The following COL17A1 variants were observed in gnomAD, a reference collection of about 807,000 sequenced individuals.
The protein encoded by COL17A1 is collagen type XVII alpha 1 chain, also known as collagen alpha-1(XVII) chain.
In COL17A1, 181 loss-of-function variants were observed where a neutral mutation model predicts 218.4. The observed-to-expected ratio is 0.83, with a 90% CI of 0.73 to 0.94. COL17A1 has a LOEUF of 0.94. Ranked by LOEUF, COL17A1 falls within the 40% of genes least tolerant of loss-of-function variation. The pLI, the probability that COL17A1 is intolerant of heterozygous loss-of-function variation, is 0.00. For missense variants in COL17A1, 1,924 were observed against 1,945.9 expected (o/e 0.99, Z 0.21); for synonymous variants, 721 against 731.0 (o/e 0.99, Z 0.22).
In COL17A1 at chr10:104,031,841, G is replaced by T. The variant is rs909584105; in HGVS notation, c.*394C>A. On this transcript the variant is annotated 3_prime_UTR_variant, in exon 56 of 56. Coordinates refer to ENST00000648076, the MANE Select transcript of COL17A1 (RefSeq NM_000494.4). ...CATCAAGTGTCACCTCCAGGAAGGC[G>T]CCCCACCCCCATCCTCCGTTTTCTG... 3 of 281,184 alleles carry T rather than the reference G, an allele frequency of 1.1e-5. No individual in the cohort carries two copies. In the East Asian group the frequency reaches 2.4e-4, roughly 22 times the overall value. 17.4% of individuals were successfully genotyped at this position (281,184 alleles called of 1,614,324 possible).
intron 12 of COL17A1, 116 bp from the exon 13 acceptor site, chr10:104,061,589 G>C (rs1292888241): frequency 1.2e-6 from 1 of 805,060 alleles, no homozygotes; most frequent in Non-Finnish European, 2.1e-6. Flanking sequence ...AGCAGATGAT[G>C]AATCAACTCT....
At chr10:104,048,041 G>C in intron 30 of COL17A1, 28 bp downstream of exon 30, 1 of 1,614,080 alleles carries the variant, frequency 6.2e-7, no homozygotes, top group East Asian at 2.2e-5. Context: ...ACGGGAGTGA[G>C]GCTGGGGGCA....
At chr10:104,083,649 G>A (rs765987797) in intron 1 of COL17A1, among the ~76,000 whole-genome samples, 1 of 152,042 alleles carries the variant, frequency 6.6e-6, no homozygotes, top group Non-Finnish European at 1.5e-5. Flanking sequence ...AGCCGATGCT[G>A]TCTAACATAC....
rs1167918812 is a variant in COL17A1 at position 104,036,552 on chromosome 10, C to A, written c.3358G>T (p.Gly1120Trp). ...PPGPPGASGD[G>W]SLLSLDYAEL... ...GCATAGTCCAAAGACAGGAGGGACC[C>A]ATCTCCACTGGCTCCTGGTGGCCCT... Residue 1120 changes from glycine to tryptophan, a missense_variant, in exon 48 of 56, where the codon GGG (glycine) becomes TGG (tryptophan). Physicochemically the swap from Gly to Trp is radical, Grantham distance 184. Transcript: ENST00000648076. 27 of 1,613,886 alleles carry A rather than the reference C, an allele frequency of 1.7e-5. No homozygotes were observed. The highest frequency in any genetic ancestry group is 2.3e-5 in the Non-Finnish European group (27 of 1,179,956).
chr10:104,039,469 G>A lies in COL17A1; in HGVS notation c.2872C>T (p.Pro958Ser), dbSNP rs1009680771. Reference protein sequence around the residue: ...NLQGPPGPPGPQGPKGDKGDP... With the variant: ...NLQGPPGPPGSQGPKGDKGDP... The stretch of plus-strand genomic sequence containing the variant: ...CCTTTGTCACCTTTGGGTCCCTGGG[G>A]GCCAGGTGGGCCTGGTGGTCCCTGA... The change falls in exon 43 of 56, where the codon CCC becomes TCC. Residue 958 changes from proline to serine, a missense_variant. By Grantham distance (74) the Pro-to-Ser change is moderately conservative (BLOSUM62 -1). Transcript: ENST00000648076. 3.1e-6 allele frequency: 5 copies of A among 1,613,978 alleles called. No homozygotes were observed. The Admixed American group carries it at 5.0e-5, about 16-fold the overall frequency.
In COL17A1 at chr10:104,059,738, T is replaced by A; in HGVS notation, c.1142-20A>T. On this transcript the variant is annotated intron_variant, in intron 14 of 55. Transcript: ENST00000648076. The stretch of plus-strand genomic sequence containing the variant: ...AAGAAGCTATGTACAGAACCCATTA[T>A]AACCTGGCATATTCTCTTCTCAACC... 6.2e-7 allele frequency: 1 copy of A among 1,610,536 alleles called. No homozygotes were observed. The highest frequency in any genetic ancestry group is 1.3e-5 in the African/African-American group (1 of 74,996).
chr10:104,055,914 T>G lies in COL17A1; in HGVS notation c.1555A>C (p.Ile519Leu), dbSNP rs774650794. 1.2e-6 allele frequency: 2 copies of G among 1,614,208 alleles called. No individual in the cohort carries two copies. The highest frequency in any genetic ancestry group is 1.1e-5 in the South Asian group (1 of 91,082). The change falls in exon 18 of 56, where the codon ATA becomes CTA. Residue 519 changes from isoleucine (I) to leucine (L), a missense_variant. Coordinates refer to ENST00000648076, the MANE Select transcript of COL17A1 (RefSeq NM_000494.4). ...ILPYGDSMDRIEKDRLQGMAP... is the reference protein window; with the variant it reads ...ILPYGDSMDRLEKDRLQGMAP... ...ATGCCCTGGAGGCGGTCCTTTTCTA[T>G]TCTATCCATGCTGTCCCCATAGGGC...
At position 104,036,691 on chromosome 10, in the gene COL17A1, A is replaced by G. The variant is rs2476957; in HGVS notation, c.3278-59T>C. On this transcript the variant is annotated intron_variant, in intron 47 of 55. Transcript: ENST00000648076. ...CCAGGCCATGGGGGTCGCAGCCATG[A>G]TCCAGCCACAGCCTGGGCTCCCCTG... 1,597,174 of 1,600,918 alleles carry G rather than the reference A, an allele frequency of 1. 796,789 individuals are homozygous for G. The highest frequency in any genetic ancestry group is 1 in the East Asian group (44,275 of 44,276).
At chr10:104,042,011 G>A (rs1458867480) in intron 36 of COL17A1, among the ~76,000 whole-genome samples, 1 of 152,150 alleles carries the variant, frequency 6.6e-6, no homozygotes, top group East Asian at 1.9e-4. Context: ...GGACCGGGTG[G>A]GCTGAAGCCT....
At chr10:104,060,765 C>G (rs1478081720) in intron 13 of COL17A1, among the ~76,000 whole-genome samples, 1 of 152,166 alleles carries the variant, frequency 6.6e-6, no homozygotes, top group Non-Finnish European at 1.5e-5. Flanking sequence ...AATCTGTATC[C>G]TTTTCTGTAA....
At position 104,060,258 on chromosome 10, in the gene COL17A1, G is replaced by A. The variant is rs141844864; in HGVS notation, c.1002C>T (p.Ser334=). 1.2e-4 allele frequency: 190 copies of A among 1,614,152 alleles called. 1 individual carries two copies. The Middle Eastern group carries it at 1.8e-3, about 15-fold the overall frequency. The change falls in exon 14 of 56, where the codon AGC becomes AGT. Residue 334 remains serine (S), a synonymous_variant. Coordinates refer to ENST00000648076, the MANE Select transcript of COL17A1 (RefSeq NM_000494.4). ...TSAACTTSVQ[S]DDLLHKDCKF... is the part of the protein sequence containing the mutation. ...TGCAGTCCTTGTGCAAAAGGTCATCGCTCTGCACACTTGTGGTGCAGGCTG... is the reference window on the plus strand; with the variant it reads ...TGCAGTCCTTGTGCAAAAGGTCATCACTCTGCACACTTGTGGTGCAGGCTG...
rs771841012 is a variant in COL17A1 at position 104,061,506 on chromosome 10, G to T, written c.911-33C>A. 16 of 1,598,304 alleles carry T rather than the reference G, an allele frequency of 1.0e-5. No individual in the cohort carries two copies. In the Middle Eastern group the frequency reaches 8.8e-4, roughly 88 times the overall value. Reference sequence around the variant, plus strand: ...AAAGGAAGCTGGGTCAGCATGGGAGGGTGGTTCCAGGTGACTCAGGAGAAG... The same window carrying T: ...AAAGGAAGCTGGGTCAGCATGGGAGTGTGGTTCCAGGTGACTCAGGAGAAG... On this transcript the variant is annotated intron_variant, in intron 12 of 55. Transcript: ENST00000648076.
Position 104,057,160 on chromosome 10 carries a change from T to C in COL17A1, c.1280A>G (p.Tyr427Cys). 1 of 1,613,910 alleles carries C rather than the reference T, an allele frequency of 6.2e-7. No individual in the cohort carries two copies. The highest frequency in any genetic ancestry group is 2.2e-5 in the East Asian group (1 of 44,858). ...GKTTTADIHS[Y>C]GSSGGGGSGG... The stretch of plus-strand genomic sequence containing the variant: ...ACTGCCACCACCACCACTGCTGCCG[T>C]AGCTGTGGATATCTGTGAAAGAGAC... The change falls in exon 17 of 56, where the codon TAC becomes TGC. Residue 427 changes from tyrosine to cysteine, a missense_variant. Transcript: ENST00000648076.
intron 8 of COL17A1, 51 bp from the exon 9 acceptor site, chr10:104,070,620 G>T: frequency 6.2e-7 from 1 of 1,613,762 alleles, no homozygotes. Flanking sequence ...TCTTTCCTGA[G>T]TCCCTGTGCA....
Position 104,055,155 on chromosome 10 carries a change from A to T in COL17A1, c.1718-148T>A, listed in dbSNP as rs1023046375. ...CGAGTCCCTCCCAGTCCCAGAGTCT[A>T]TGTCATTTGGGCTCATTGCTGGGCT... On this transcript the variant is annotated intron_variant, in intron 19 of 55. Transcript: ENST00000648076. 4 of 1,487,724 alleles carry T rather than the reference A, an allele frequency of 2.7e-6. No homozygotes were observed. The East Asian group carries it at 9.6e-5, about 36-fold the overall frequency. 92.2% of individuals were successfully genotyped at this position (1,487,724 alleles called of 1,614,324 possible).
At chr10:104,081,899 T>C (rs536817483) in intron 1 of COL17A1, among the ~76,000 whole-genome samples, 1 of 152,274 alleles carries the variant, frequency 6.6e-6, no homozygotes, top group South Asian at 2.1e-4. Flanking sequence ...TTTATACCAG[T>C]GCAGTTGTAA....
chr10:104,080,768 C>A, intron 1 of COL17A1, 84 bp from the exon 2 acceptor site: 1 of 1,372,288 alleles, frequency 7.3e-7, no homozygotes. Flanking sequence ...AGCTGATAAC[C>A]AAAAACATGA....
intron 6 of COL17A1, among the ~76,000 whole-genome samples, 181 bp from the exon 7 acceptor site, chr10:104,073,426 G>A (rs1189540200): frequency 1.3e-5 from 2 of 152,124 alleles, no homozygotes; most frequent in Non-Finnish European, 2.9e-5. Flanking sequence ...AGCAGAGAAT[G>A]TTTTGCAATG....
intron 11 of COL17A1, among the ~76,000 whole-genome samples, chr10:104,063,041 G>T (rs1037620373): frequency 1.8e-4 from 28 of 152,172 alleles, no homozygotes; most frequent in African/African-American, 6.8e-4. Flanking sequence ...TCTGGATTTG[G>T]TGGGCCTCTA....
Sources: gnomAD v4.1 joint callset for allele counts (sites outside exome capture counted in the v4.1 genomes callset) on GRCh38, gnomAD v4.1.1 for gene constraint, MANE v1.5 for transcripts, NCBI Gene and HGNC (gene_info 2026-07-23, HGNC 2026-07-21) for gene names.